ITPKA: variants seen among roughly 807,000 people sequenced by gnomAD.
ITPKA encodes IP3 3-kinase A.
A neutral mutation model predicts 40.7 loss-of-function variants in ITPKA; 16 were observed. The observed-to-expected ratio is 0.39, with a 90% CI of 0.27 to 0.60. ITPKA has a LOEUF of 0.60. Among genes scored for constraint, ITPKA ranks in the 20% least tolerant of loss-of-function variants. The pLI is 0.50. For missense variants in ITPKA, 540 were observed against 649.3 expected (o/e 0.83, Z 1.83); for synonymous variants, 313 against 289.9 (o/e 1.08, Z -0.81).
chr15:41,495,672 C>T (rs972346330), intron 1 of ITPKA, among the ~76,000 whole-genome samples: 1 of 152,244 alleles, frequency 6.6e-6, no homozygotes, highest in South Asian at 2.1e-4. Context: ...GTAACCCTTG[C>T]CTAGGTCGGG....
At position 41,494,164 on chromosome 15, in the gene ITPKA, C is replaced by G. The variant is rs1390004838; in HGVS notation, c.237C>G (p.Ile79Met). 12 of 1,506,034 alleles carry G rather than the reference C, an allele frequency of 8.0e-6. No homozygotes were observed. The highest frequency in any genetic ancestry group is 1.1e-5 in the Non-Finnish European group (12 of 1,134,688). The allele number at this position is 1,506,034 out of a possible 1,614,324, so 93.3% of individuals were successfully genotyped here. The change falls in exon 1 of 7, where the codon ATC (isoleucine) becomes ATG (methionine). Residue 79 changes from isoleucine to methionine, a missense_variant. Physicochemically the swap from Ile to Met is conservative, Grantham distance 10. Coordinates refer to ENST00000260386, the MANE Select transcript of ITPKA (RefSeq NM_002220.3). This position sits in a 1 kb window ranked among gnomAD's most constrained non-coding sequence, Gnocchi z 7.8. ...CGCGGGCTCCCCCGGCCCCGGTGAT[C>G]CCTCAGCTGACCGTGACAGCCGAGG... ...GLPRAPPAPV[I>M]PQLTVTAEEP...
rs1229577615 is a variant in ITPKA, at chr15:41,503,521, C to T, written c.*355C>T. 1.7e-6 allele frequency: 1 copy of T among 593,316 alleles called. No individual in the cohort carries two copies. The highest frequency in any genetic ancestry group is 3.2e-6 in the Non-Finnish European group (1 of 309,080). The allele number at this position is 593,316 out of a possible 1,614,324, so 36.8% of individuals were successfully genotyped here. A position where few individuals can be genotyped will look rare whatever the true frequency, so the allele number is the denominator to read the frequency against. The stretch of plus-strand genomic sequence containing the variant: ...GTCTAACGTCTCACACCACGACGGA[C>T]TCCCCTTCCTAATAAAACTCAAAGA... On this transcript the variant is annotated 3_prime_UTR_variant, in exon 7 of 7. Coordinates refer to ENST00000260386, the MANE Select transcript of ITPKA (RefSeq NM_002220.3).
At chr15:41,496,868 C>T (rs1437241099) in intron 1 of ITPKA, among the ~76,000 whole-genome samples, 2 of 152,160 alleles carry the variant, frequency 1.3e-5, no homozygotes, top group Non-Finnish European at 2.9e-5. Flanking sequence ...ACCACGACCA[C>T]AGGGAGTGCT....
rs546746124 is a variant in ITPKA at position 41,494,250 on chromosome 15, C to T, written c.323C>T (p.Ala108Val). 2.6e-6 allele frequency: 4 copies of T among 1,545,592 alleles called. No individual in the cohort carries two copies. Among genetic ancestry groups the T allele is most frequent in the Admixed American group, 1.9e-5 (1 of 53,278 alleles). ...GAGCGGGAGAGGGACTGCCTCCCGGCAGCGGGCTCTTCGCACCTGCAGCAG... is the reference window on the plus strand; with the variant it reads ...GAGCGGGAGAGGGACTGCCTCCCGGTAGCGGGCTCTTCGCACCTGCAGCAG... ...PPERERDCLPAAGSSHLQQPR... is the reference protein window; with the variant it reads ...PPERERDCLPVAGSSHLQQPR... Residue 108 changes from alanine (A) to valine (V), a missense_variant, in exon 1 of 7, where the codon GCA (alanine) becomes GTA (valine). Physicochemically the swap from Ala to Val is moderately conservative, Grantham distance 64 (BLOSUM62 0). Coordinates refer to ENST00000260386, the MANE Select transcript of ITPKA (RefSeq NM_002220.3). This position sits in a 1 kb window ranked among gnomAD's most constrained non-coding sequence, Gnocchi z 7.8.
At position 41,503,467 on chromosome 15, in the gene ITPKA, G is replaced by C. The variant is rs1189185447; in HGVS notation, c.*301G>C. On this transcript the variant is annotated 3_prime_UTR_variant, in exon 7 of 7. Coordinates refer to ENST00000260386, the MANE Select transcript of ITPKA (RefSeq NM_002220.3). ...CCCTCTCCAGAGGTGCCAGACCGCG[G>C]ATTTTATTTAGCAAGCCCAGACCTT... The C allele has an allele frequency of 9.5e-6, 6 of 630,586 alleles. No homozygotes were observed. The highest frequency in any genetic ancestry group is 6.0e-6 in the Non-Finnish European group (2 of 335,888). 39.1% of individuals were successfully genotyped at this position (630,586 alleles called of 1,614,324 possible).
intron 1 of ITPKA, among the ~76,000 whole-genome samples, chr15:41,500,447 C>A (rs2051101846): frequency 6.6e-6 from 1 of 152,174 alleles, no homozygotes; most frequent in Non-Finnish European, 1.5e-5. Flanking sequence ...GGCCTGTGTA[C>A]AGGTTTGTTT....
chr15:41,503,179 G>A lies in ITPKA; in HGVS notation c.*13G>A. On this transcript the variant is annotated 3_prime_UTR_variant, in exon 7 of 7. Coordinates refer to ENST00000260386, the MANE Select transcript of ITPKA (RefSeq NM_002220.3). ...GGCTGAGAGATGAGGCTGGACTCCT[G>A]TCCCCGCGGGCCGCTCACCTGACAT... is the stretch of plus-strand genomic sequence containing the variant. The A allele has an allele frequency of 6.4e-7, 1 of 1,556,174 alleles. No homozygotes were observed. Among genetic ancestry groups the A allele is most frequent in the Non-Finnish European group, 8.8e-7 (1 of 1,142,786 alleles).
At chr15:41,499,242 T>C (rs2051093926) in intron 1 of ITPKA, among the ~76,000 whole-genome samples, 1 of 152,204 alleles carries the variant, frequency 6.6e-6, no homozygotes, top group Non-Finnish European at 1.5e-5. Flanking sequence ...GATGTCATGC[T>C]TCTAGTGGGC....
At chr15:41,495,417 T>C (rs2051063902) in intron 1 of ITPKA, among the ~76,000 whole-genome samples, 1 of 152,102 alleles carries the variant, frequency 6.6e-6, no homozygotes, top group South Asian at 2.1e-4. Flanking sequence ...CGGGGAGAGC[T>C]GTGGCCGCGC....
At chr15:41,501,271 C>T in intron 1 of ITPKA, 192 bp from the exon 2 acceptor site, 1 of 974,834 alleles carries the variant, frequency 1.0e-6, no homozygotes, top group Non-Finnish European at 1.2e-6. Context: ...ATCACCTTCA[C>T]TGCGCCTGTA....
At chr15:41,502,734 G>A in intron 5 of ITPKA, 54 bp from the exon 6 acceptor site, 2 of 1,480,510 alleles carry the variant, frequency 1.4e-6, no homozygotes, top group African/African-American at 2.8e-5. Context: ...CGTTAGCAGG[G>A]GCTCATTTGG....
At position 41,502,876 on chromosome 15, in the gene ITPKA, C is replaced by G; in HGVS notation, c.1182+17C>G. The G allele has an allele frequency of 6.2e-7, 1 of 1,610,358 alleles. No homozygotes were observed. The highest frequency in any genetic ancestry group is 1.1e-5 in the South Asian group (1 of 90,766). On this transcript the variant is annotated intron_variant, in intron 6 of 6. Coordinates refer to ENST00000260386, the MANE Select transcript of ITPKA (RefSeq NM_002220.3). ...AGGCACGAGGTAAGCGGCGGCTGCC[C>G]GGGTGCCCGGGCCGCGAGGGCTAGG...
Position 41,494,205 on chromosome 15 carries a change from C to T in ITPKA, c.278C>T (p.Pro93Leu). ...TVTAEEPDVP[P>L]TSPGPPERER... ...ACAGCCGAGGAGCCCGACGTGCCCC[C>T]GACCAGCCCTGGGCCGCCGGAGCGG... Residue 93 changes from proline (P) to leucine (L), a missense_variant, in exon 1 of 7, where the codon CCG (proline) becomes CTG (leucine). Transcript: ENST00000260386. This position sits in a 1 kb window ranked among gnomAD's most constrained non-coding sequence, Gnocchi z 7.8. 1.3e-6 allele frequency: 2 copies of T among 1,526,368 alleles called. No homozygotes were observed. Among genetic ancestry groups the T allele is most frequent in the East Asian group, 2.5e-5 (1 of 39,648 alleles). 94.6% of individuals were successfully genotyped at this position (1,526,368 alleles called of 1,614,324 possible). A position where few individuals can be genotyped will look rare whatever the true frequency, so the allele number is the denominator to read the frequency against.
In ITPKA at chr15:41,501,651, G is replaced by C. The variant is rs558848920; in HGVS notation, c.603G>C (p.Ala201=). The change falls in exon 3 of 7, where the codon GCG becomes GCC. Residue 201 remains alanine, a synonymous_variant. Transcript: ENST00000260386. ...LAGHTGSFKA[A]GTSGLILKRC... ...GGTCCTCAGGGAGTTTTAAGGCGGC[G>C]GGCACCAGCGGGCTGATCCTGAAGC... is the stretch of plus-strand genomic sequence containing the variant. 8.1e-6 allele frequency: 13 copies of C among 1,607,518 alleles called. No individual in the cohort carries two copies. The African/African-American group carries it at 1.5e-4, about 18-fold the overall frequency.
chr15:41,502,415 C>T lies in ITPKA; in HGVS notation c.1022C>T (p.Ser341Phe). The T allele has an allele frequency of 6.2e-7, 1 of 1,600,308 alleles. No homozygotes were observed. The highest frequency in any genetic ancestry group is 8.6e-7 in the Non-Finnish European group (1 of 1,168,508). The change falls in exon 5 of 7, where the codon TCC becomes TTC. Residue 341 changes from serine to phenylalanine, a missense_variant. By Grantham distance (155) the Ser-to-Phe change is radical (BLOSUM62 -2). Coordinates refer to ENST00000260386, the MANE Select transcript of ITPKA (RefSeq NM_002220.3). The part of the protein sequence containing the change: ...RIEGIKKADG[S>F]CSTDFKTTRS... ...TCCCACATCCAGAAAGCGGACGGCTCCTGCAGCACCGACTTCAAGACTACG... is the reference window on the plus strand; with the variant it reads ...TCCCACATCCAGAAAGCGGACGGCTTCTGCAGCACCGACTTCAAGACTACG...
At chr15:41,500,944 G>A (rs1473277015) in intron 1 of ITPKA, among the ~76,000 whole-genome samples, 1 of 145,400 alleles carries the variant, frequency 6.9e-6, no homozygotes, top group Non-Finnish European at 1.5e-5. Context: ...GGGAGGTAGA[G>A]GTTGCAGTGA....
rs1327738874 is a variant in ITPKA, at chr15:41,502,871, C to T, written c.1182+12C>T. On this transcript the variant is annotated intron_variant, in intron 6 of 6. Transcript: ENST00000260386. The stretch of plus-strand genomic sequence containing the variant: ...TCAGGAGGCACGAGGTAAGCGGCGG[C>T]TGCCCGGGTGCCCGGGCCGCGAGGG... The T allele has an allele frequency of 9.3e-6, 15 of 1,611,156 alleles. No individual in the cohort carries two copies. The highest frequency in any genetic ancestry group is 1.3e-5 in the Non-Finnish European group (15 of 1,179,006).
intron 1 of ITPKA, among the ~76,000 whole-genome samples, chr15:41,496,419 G>A (rs2051072441): frequency 6.6e-6 from 1 of 152,204 alleles, no homozygotes; most frequent in Non-Finnish European, 1.5e-5. Context: ...CCTCCTAGGA[G>A]CCCTCTCCAG....
rs1448298400 is a variant in ITPKA at position 41,494,943 on chromosome 15, C to T, written c.489+527C>T. ...TCCCAGCGCCCGCACGAGGCGTGGACGCAGGGGAGGGAGGGGCGTGGGCCT... is the reference window on the plus strand; with the variant it reads ...TCCCAGCGCCCGCACGAGGCGTGGATGCAGGGGAGGGAGGGGCGTGGGCCT... On this transcript the variant is annotated intron_variant, in intron 1 of 6. Transcript: ENST00000260386. This position sits in a 1 kb window ranked among gnomAD's most constrained non-coding sequence, Gnocchi z 7.8. Among the ~76,000 whole-genome samples, 1 of 152,196 alleles carries T rather than the reference C, an allele frequency of 6.6e-6. No individual in the cohort carries two copies. Among genetic ancestry groups the T allele is most frequent in the Non-Finnish European group, 1.5e-5 (1 of 68,022 alleles).
Sources: gnomAD v4.1 joint callset for allele counts (sites outside exome capture counted in the v4.1 genomes callset) on GRCh38, gnomAD v4.1.1 for gene constraint, Gnocchi (gnomAD v3.1) non-coding constraint, MANE v1.5 for transcripts, NCBI Gene and HGNC (gene_info 2026-07-23, HGNC 2026-07-21) for gene names.